Variants in PDE7A observed in about 807,000 individuals in gnomAD.
PDE7A encodes phosphodiesterase 7A, also known as high affinity 3',5'-cyclic-AMP phosphodiesterase 7A.
PDE7A carries 39 observed loss-of-function variants against 64.3 expected under a neutral mutation model. The ratio of observed to expected loss-of-function variants is 0.61; its 90% CI spans 0.47 to 0.79. The LOEUF is 0.79. Ranked by LOEUF, PDE7A falls within the 30% of genes least tolerant of loss-of-function variation. The pLI is 0.00. For synonymous variants in PDE7A, 203 were observed against 206.8 expected, an observed-to-expected ratio of 0.98 and a Z score of 0.16; for missense variants, 470 against 582.8, an observed-to-expected ratio of 0.81 and a Z score of 1.99.
chr8:65,802,961 C>T (rs956559029), intron 1 of PDE7A, among the ~76,000 whole-genome samples: 8 of 152,166 alleles, frequency 5.3e-5, no homozygotes, highest in Admixed American at 5.2e-4. Context: ...CCCACACTCT[C>T]ACTTGCTCCT....
In PDE7A at chr8:65,832,661, T is replaced by A. The variant is rs190902450; in HGVS notation, c.138+8710A>T. On this transcript the variant is annotated intron_variant, in intron 1 of 12. Transcript: ENST00000401827. ...CACCATGCCTGGCTAATTTTTAAAA[T>A]TTTTTTTGCAGAGACAGGATCTCTC... 4.4e-3 allele frequency among the ~76,000 whole-genome samples: 672 copies of A among 152,012 alleles called. 1 individual carries two copies. The highest frequency in any genetic ancestry group is 7.4e-3 in the Non-Finnish European group (502 of 67,958).
intron 1 of PDE7A, among the ~76,000 whole-genome samples, chr8:65,814,193 T>C (rs1001999533): frequency 2.6e-5 from 4 of 152,114 alleles, no homozygotes; most frequent in Non-Finnish European, 5.9e-5. Flanking sequence ...TATAGAACAA[T>C]ATGTAGTATG....
At chr8:65,816,135 T>C (rs1338109945) in intron 1 of PDE7A, among the ~76,000 whole-genome samples, 2 of 152,216 alleles carry the variant, frequency 1.3e-5, no homozygotes, top group African/African-American at 4.8e-5. Flanking sequence ...TTCTCAGTTT[T>C]AATTTCTAAT....
chr8:65,793,552 G>C (rs1809758113), intron 1 of PDE7A, among the ~76,000 whole-genome samples: 1 of 150,308 alleles, frequency 6.7e-6, no homozygotes. Context: ...ACAATCTTAG[G>C]AGGCAATGAG....
rs1036176540 is a variant in PDE7A, at chr8:65,716,701, A to T, written c.*2589T>A. Among the ~76,000 whole-genome samples the T allele has an allele frequency of 2.0e-5, 3 of 152,194 alleles. No individual in the cohort carries two copies. Among genetic ancestry groups the T allele is most frequent in the Admixed American group, 6.5e-5 (1 of 15,274 alleles). ...TAAATTAAAATATTGATAGTGTTTT[A>T]AAAAAATAGTTACTGTGAGCTTGGT... On this transcript the variant is annotated 3_prime_UTR_variant, in exon 13 of 13. Transcript: ENST00000401827.
At chr8:65,837,904 A>G (rs887821049) in intron 1 of PDE7A, among the ~76,000 whole-genome samples, 2 of 152,186 alleles carry the variant, frequency 1.3e-5, no homozygotes, top group African/African-American at 4.8e-5. Flanking sequence ...TTTCCCTTTG[A>G]GGGCATTTTG....
At chr8:65,727,763 C>T (rs552864911) in intron 7 of PDE7A, 50 of 153,386 alleles carry the variant, frequency 3.3e-4, no homozygotes, top group African/African-American at 1.1e-3. Flanking sequence ...AAGGTTATTC[C>T]TTTAGTCCTG....
intron 3 of PDE7A, among the ~76,000 whole-genome samples, chr8:65,767,147 C>T (rs745601414): frequency 3.9e-5 from 6 of 152,152 alleles, no homozygotes; most frequent in Non-Finnish European, 8.8e-5. Flanking sequence ...TCTTGTAGCC[C>T]TCAACACCAA....
chr8:65,841,933 G>A lies in PDE7A; in HGVS notation c.-425C>T. 3 of 230,462 alleles carry A rather than the reference G, an allele frequency of 1.3e-5. No individual in the cohort carries two copies. Among genetic ancestry groups the A allele is most frequent in the South Asian group, 1.0e-4 (2 of 19,172 alleles). The allele number at this position is 230,462 out of a possible 1,614,324, so 14.3% of individuals were successfully genotyped here. On this transcript the variant is annotated 5_prime_UTR_variant, in exon 1 of 13. Transcript: ENST00000401827. ...TGGAGCCAGCGGCCAGACCCAGGGC[G>A]CGCGGGACTCAGGAGCAGCGACCAG...
At chr8:65,719,823 C>T (rs529116112) in intron 12 of PDE7A, 6 of 304,660 alleles carry the variant, frequency 2.0e-5, no homozygotes, top group East Asian at 7.5e-5. Context: ...TGAGGATACT[C>T]GGGCATAGCC....
At chr8:65,750,510 G>C (rs1292816495) in intron 3 of PDE7A, among the ~76,000 whole-genome samples, 5 of 151,368 alleles carry the variant, frequency 3.3e-5, no homozygotes, top group Admixed American at 3.3e-4. Flanking sequence ...GTGTCTGTGT[G>C]TGTCTGTGTG....
chr8:65,841,273 A>C (rs1412009617), intron 1 of PDE7A, 98 bp downstream of exon 1: 5 of 1,289,912 alleles, frequency 3.9e-6, no homozygotes, highest in Non-Finnish European at 4.1e-6. Context: ...GACAATGGAC[A>C]ATGCGCGGGC....
Position 65,817,908 on chromosome 8 carries a change from G to A in PDE7A, c.138+23463C>T, listed in dbSNP as rs575610891. On this transcript the variant is annotated intron_variant, in intron 1 of 12. Coordinates refer to ENST00000401827, the MANE Select transcript of PDE7A (RefSeq NM_001242318.3). Reference sequence around the variant, plus strand: ...GCTGGGATTACAGGCGCCTGCCACTGCGCCCAGCTAATTTTTTGTATTTTT... The same window carrying A: ...GCTGGGATTACAGGCGCCTGCCACTACGCCCAGCTAATTTTTTGTATTTTT... Among the ~76,000 whole-genome samples the A allele has an allele frequency of 3.1e-3, 478 of 151,784 alleles. 3 individuals carry two copies. The highest frequency in any genetic ancestry group is 0.011 in the African/African-American group (461 of 41,278).
At chr8:65,759,749 T>C (rs1283097926) in intron 3 of PDE7A, among the ~76,000 whole-genome samples, 1 of 152,072 alleles carries the variant, frequency 6.6e-6, no homozygotes, top group Non-Finnish European at 1.5e-5. Flanking sequence ...GAATGAGACA[T>C]CCCAAACCCT....
chr8:65,830,751 T>C (rs1452675237), intron 1 of PDE7A, among the ~76,000 whole-genome samples: 1 of 152,140 alleles, frequency 6.6e-6, no homozygotes, highest in Non-Finnish European at 1.5e-5. Context: ...TTTTGTATTA[T>C]AACTGTCCAT....
chr8:65,838,252 T>C (rs1048334650), intron 1 of PDE7A, among the ~76,000 whole-genome samples: 1 of 152,226 alleles, frequency 6.6e-6, no homozygotes, highest in Non-Finnish European at 1.5e-5. Context: ...ACAGATATGA[T>C]GGTGAATAAG....
Position 65,719,509 on chromosome 8 carries a change from G to A in PDE7A, c.1244-14C>T. ...AAGTCATAAAACCTTGAGAAAATAG[G>A]AGAAAAAGTTATTAACATATATGCT... On this transcript the variant is annotated splice_polypyrimidine_tract_variant and intron_variant, in intron 12 of 12. Transcript: ENST00000401827. The A allele has an allele frequency of 6.4e-7, 1 of 1,550,564 alleles. No individual in the cohort carries two copies. The highest frequency in any genetic ancestry group is 8.9e-7 in the Non-Finnish European group (1 of 1,122,564).
At position 65,779,732 on chromosome 8, in the gene PDE7A, G is replaced by A. The variant is rs753494032; in HGVS notation, c.271C>T (p.Arg91Cys). Reference sequence around the variant, plus strand: ...TACCAACACTTACAGTGGAAAATACGAAAATCAATATATGGGTGAGAACCT... The same window carrying A: ...TACCAACACTTACAGTGGAAAATACAAAAATCAATATATGGGTGAGAACCT... ...RRGSHPYIDF[R>C]IFHSQSEIEV... Residue 91 changes from arginine (R) to cysteine (C), a missense_variant, in exon 3 of 13, where the codon CGT becomes TGT. Coordinates refer to ENST00000401827, the MANE Select transcript of PDE7A (RefSeq NM_001242318.3). The A allele has an allele frequency of 1.5e-5, 23 of 1,564,836 alleles. No individual in the cohort carries two copies. Among genetic ancestry groups the A allele is most frequent in the Admixed American group, 1.8e-5 (1 of 56,144 alleles).
intron 1 of PDE7A, among the ~76,000 whole-genome samples, chr8:65,824,039 C>G (rs1267178558): frequency 6.6e-6 from 1 of 152,096 alleles, no homozygotes; most frequent in African/African-American, 2.4e-5. Context: ...TACAGGAATG[C>G]CTTGCTTTAT....
Sources: gnomAD v4.1 joint callset for allele counts (sites outside exome capture counted in the v4.1 genomes callset) on GRCh38, gnomAD v4.1.1 for gene constraint, MANE v1.5 for transcripts, NCBI Gene and HGNC (gene_info 2026-07-23, HGNC 2026-07-21) for gene names.